The following EIF2AK4 variants were observed in gnomAD, a reference collection of about 807,000 sequenced individuals.
EIF2AK4 encodes the protein eIF-2-alpha kinase GCN2.
A neutral mutation model predicts 211.1 loss-of-function variants in EIF2AK4; 139 were observed. The observed-to-expected ratio is 0.66, with a 90% CI of 0.57 to 0.76. The LOEUF (loss-of-function observed/expected upper bound fraction) is 0.76. Among genes scored for constraint, EIF2AK4 ranks in the 30% least tolerant of loss-of-function variants. The pLI, the probability that EIF2AK4 is intolerant of heterozygous loss-of-function variation, is 0.00. For missense variants in EIF2AK4, 1,664 were observed against 2,043.8 expected (o/e 0.81, Z 3.58); for synonymous variants, 710 against 751.3 (o/e 0.94, Z 0.90).
At chr15:40,018,567 C>G (rs1437298057) in intron 29 of EIF2AK4, among the ~76,000 whole-genome samples, 1 of 152,128 alleles carries the variant, frequency 6.6e-6, no homozygotes, top group Non-Finnish European at 1.5e-5. Context: ...AGCAATCCTC[C>G]TGCCTTGGCC....
intron 6 of EIF2AK4, among the ~76,000 whole-genome samples, chr15:39,959,840 A>G (rs546003362): frequency 6.6e-6 from 1 of 152,330 alleles, no homozygotes; most frequent in South Asian, 2.1e-4. Flanking sequence ...ACAGAACTAC[A>G]ATGTATTTGC....
intron 3 of EIF2AK4, among the ~76,000 whole-genome samples, chr15:39,948,533 G>A (rs2140901826): frequency 6.6e-6 from 1 of 152,300 alleles, no homozygotes; most frequent in South Asian, 2.1e-4. Context: ...CATTCTATCT[G>A]TGACTGCTTC....
rs1237309651 is a variant in EIF2AK4, at chr15:39,973,164, C to T, written c.1660+150C>T. On this transcript the variant is annotated intron_variant, in intron 10 of 38. Coordinates refer to ENST00000263791, the MANE Select transcript of EIF2AK4 (RefSeq NM_001013703.4). Reference sequence around the variant, plus strand: ...CCATTAGTTTGATGTGTGCCATGTGCATGGGACTGTTTTGCCACCCTGATT... The same window carrying T: ...CCATTAGTTTGATGTGTGCCATGTGTATGGGACTGTTTTGCCACCCTGATT... The T allele has an allele frequency of 7.2e-6, 5 of 690,822 alleles. No individual in the cohort carries two copies. The East Asian group carries it at 1.4e-4, about 19-fold the overall frequency. The allele number at this position is 690,822 out of a possible 1,614,324, so 42.8% of individuals were successfully genotyped here. A position where few individuals can be genotyped will look rare whatever the true frequency, so the allele number is the denominator to read the frequency against.
chr15:39,993,223 G>T (rs200258119), intron 18 of EIF2AK4, among the ~76,000 whole-genome samples: 17 of 149,224 alleles, frequency 1.1e-4, no homozygotes, highest in South Asian at 4.3e-4. Flanking sequence ...CATCCATCCA[G>T]CCATCCATCC....
intron 2 of EIF2AK4, among the ~76,000 whole-genome samples, chr15:39,940,833 G>C (rs1044888938): frequency 1.3e-5 from 2 of 152,076 alleles, no homozygotes; most frequent in Non-Finnish European, 2.9e-5. Flanking sequence ...CTCCATTTCT[G>C]ATGCTAGTGG....
chr15:40,005,209 C>A (rs2035143959), intron 23 of EIF2AK4, among the ~76,000 whole-genome samples: 1 of 152,088 alleles, frequency 6.6e-6, no homozygotes, highest in Admixed American at 6.5e-5. Context: ...TGGGGGAGTC[C>A]CGGAACCAAT....
At chr15:39,960,376 G>A (rs1248929086) in intron 6 of EIF2AK4, among the ~76,000 whole-genome samples, 1 of 151,996 alleles carries the variant, frequency 6.6e-6, no homozygotes, top group African/African-American at 2.4e-5. Context: ...ATAGAGAGGA[G>A]AAGGTGGTAC....
intron 19 of EIF2AK4, among the ~76,000 whole-genome samples, chr15:39,997,434 C>A (rs533902286): frequency 7.9e-5 from 12 of 152,186 alleles, no homozygotes; most frequent in African/African-American, 2.6e-4. Context: ...GGAAATCTTA[C>A]CTGGAGAAAT....
At chr15:40,012,319 A>G in intron 27 of EIF2AK4, among the ~76,000 whole-genome samples, 1 of 152,212 alleles carries the variant, frequency 6.6e-6, no homozygotes, top group East Asian at 1.9e-4. Context: ...GGCACACGGA[A>G]ACCAGAGTTC....
At chr15:40,006,697 A>G (rs2035166360) in intron 23 of EIF2AK4, among the ~76,000 whole-genome samples, 1 of 152,258 alleles carries the variant, frequency 6.6e-6, no homozygotes, top group African/African-American at 2.4e-5. Context: ...AACTTGCACT[A>G]ATTTTAGTTG....
intron 18 of EIF2AK4, 41 bp from the exon 19 acceptor site, chr15:39,996,923 C>CAT (rs1400740139): frequency 7.3e-7 from 1 of 1,369,830 alleles, no homozygotes; most frequent in Non-Finnish European, 1.0e-6. Flanking sequence ...ATTATACTTT[C>CAT]ATATCAAGGC....
intron 5 of EIF2AK4, 26 bp downstream of exon 5, chr15:39,954,010 A>G: frequency 6.5e-7 from 1 of 1,536,090 alleles, no homozygotes; most frequent in Non-Finnish European, 8.7e-7. Flanking sequence ...CACCATAATA[A>G]TTTACATTTT....
chr15:40,021,191 C>T (rs2035382870), intron 31 of EIF2AK4, among the ~76,000 whole-genome samples, 164 bp downstream of exon 31: 1 of 152,226 alleles, frequency 6.6e-6, no homozygotes, highest in Non-Finnish European at 1.5e-5. Context: ...CACAAACTTA[C>T]TGGCTTAAAC....
intron 6 of EIF2AK4, among the ~76,000 whole-genome samples, chr15:39,957,552 C>G (rs2034408505): frequency 6.6e-6 from 1 of 152,186 alleles, no homozygotes; most frequent in African/African-American, 2.4e-5. Flanking sequence ...CCTGCTTTGT[C>G]CCTTGCTCTC....
intron 1 of EIF2AK4, among the ~76,000 whole-genome samples, chr15:39,935,261 C>T (rs561120128): frequency 6.6e-6 from 1 of 152,088 alleles, no homozygotes; most frequent in East Asian, 1.9e-4. Context: ...TTTCCCCATC[C>T]TTGAAGAGTT....
intron 12 of EIF2AK4, 21 bp from the exon 13 acceptor site, chr15:39,978,057 A>G: frequency 3.8e-6 from 6 of 1,564,724 alleles, no homozygotes; most frequent in Non-Finnish European, 5.3e-6. Flanking sequence ...TTCCTTTAGT[A>G]TTTCTGTTTC....
chr15:40,018,392 A>G lies in EIF2AK4; in HGVS notation c.4066-701A>G, dbSNP rs114452463. ...AGGGTTTGCTTAGCTTCTTAAATCT[A>G]TAGGTTTATGTCTTTTGCGAATTTG... On this transcript the variant is annotated intron_variant, in intron 29 of 38. Coordinates refer to ENST00000263791, the MANE Select transcript of EIF2AK4 (RefSeq NM_001013703.4). 2.2e-3 allele frequency among the ~76,000 whole-genome samples: 335 copies of G among 152,060 alleles called. 2 individuals carry two copies. Among genetic ancestry groups the G allele is most frequent in the African/African-American group, 7.8e-3 (325 of 41,504 alleles).
At chr15:40,029,612 A>G (rs958120764) in intron 34 of EIF2AK4, 148 bp downstream of exon 34, 19 of 729,276 alleles carry the variant, frequency 2.6e-5, no homozygotes, top group African/African-American at 3.6e-5. Flanking sequence ...ATGCATCCCT[A>G]TGCTTTGAAA....
intron 7 of EIF2AK4, among the ~76,000 whole-genome samples, chr15:39,963,218 TG>T (rs1347878278): frequency 1.3e-5 from 2 of 152,200 alleles, no homozygotes; most frequent in African/African-American, 4.8e-5. Flanking sequence ...TTCAAGACAT[TG>T]GTAGTGGTGG....
Sources: allele counts gnomAD v4.1 joint callset (sites outside exome capture counted in the v4.1 genomes callset), GRCh38; gene constraint gnomAD v4.1.1; transcripts MANE v1.5; gene names NCBI Gene and HGNC (gene_info 2026-07-23, HGNC 2026-07-21).